MLIP: variants seen among roughly 807,000 people sequenced by gnomAD.
The protein encoded by MLIP is muscular LMNA interacting protein, also known as muscular LMNA-interacting protein.
MLIP carries 79 observed loss-of-function variants against 84.8 expected under a neutral mutation model. The observed-to-expected ratio is 0.93, with a 90% CI of 0.78 to 1.12. The LOEUF (loss-of-function observed/expected upper bound fraction) is 1.12, where lower values mean the gene tolerates loss of function less well. Ranked by LOEUF, MLIP falls within the 50% of genes most tolerant of loss-of-function variation. MLIP has a pLI of 0.00. For missense variants in MLIP, 1,257 were observed against 1,160.6 expected, an observed-to-expected ratio of 1.08 and a Z score of -1.21; for synonymous variants, 504 against 463.0, an observed-to-expected ratio of 1.09 and a Z score of -1.14.
At chr6:54,172,884 G>A (rs913018450) in intron 9 of MLIP, among the ~76,000 whole-genome samples, 2 of 151,588 alleles carry the variant, frequency 1.3e-5, no homozygotes, top group African/African-American at 2.4e-5. Flanking sequence ...CCAGTCCGTG[G>A]TCTTCTTAAA....
At chr6:54,051,769 C>T (rs1765386131) in intron 1 of MLIP, among the ~76,000 whole-genome samples, 1 of 152,030 alleles carries the variant, frequency 6.6e-6, no homozygotes. Context: ...CTTATCTAAC[C>T]ATAAAGTTTA....
At chr6:54,087,849 A>T (rs1048548239) in intron 1 of MLIP, among the ~76,000 whole-genome samples, 3 of 149,616 alleles carry the variant, frequency 2.0e-5, no homozygotes, top group South Asian at 4.2e-4. Flanking sequence ...ACTGTTTGAG[A>T]TTCTTGCTCT....
At chr6:54,066,414 A>G (rs2150338772) in intron 1 of MLIP, among the ~76,000 whole-genome samples, 1 of 100,894 alleles carries the variant, frequency 9.9e-6, no homozygotes, top group Non-Finnish European at 2.9e-5. Flanking sequence ...AAGTAACTCA[A>G]ATTGATGTGT....
chr6:54,083,517 A>C, intron 1 of MLIP: 1 of 1,535,724 alleles, frequency 6.5e-7, no homozygotes, highest in South Asian at 1.2e-5. Flanking sequence ...ATTGGCTGAC[A>C]CTGACCTTGC....
intron 12 of MLIP, among the ~76,000 whole-genome samples, chr6:54,246,636 C>T (rs1782104225): frequency 6.6e-6 from 1 of 152,048 alleles, no homozygotes; most frequent in Non-Finnish European, 1.5e-5. Flanking sequence ...ACCATATTAT[C>T]ACATTTTTCA....
intron 5 of MLIP, among the ~76,000 whole-genome samples, chr6:54,150,273 C>T (rs1773304680): frequency 6.6e-6 from 1 of 152,168 alleles, no homozygotes; most frequent in Non-Finnish European, 1.5e-5. Flanking sequence ...CACTAGGCTG[C>T]AGGAAAATCT....
chr6:54,250,398 A>C (rs957701654), intron 12 of MLIP, among the ~76,000 whole-genome samples: 1 of 152,008 alleles, frequency 6.6e-6, no homozygotes, highest in Non-Finnish European at 1.5e-5. Context: ...TATTATAAAG[A>C]CACATGCATG....
intron 11 of MLIP, chr6:54,216,944 T>C: frequency 1.0e-6 from 1 of 985,412 alleles, no homozygotes. Flanking sequence ...TTACTACTGT[T>C]CATGATTTTA....
At chr6:54,049,333 T>C (rs943453593) in intron 1 of MLIP, among the ~76,000 whole-genome samples, 3 of 152,170 alleles carry the variant, frequency 2.0e-5, no homozygotes, top group Admixed American at 6.6e-5. Context: ...CATAGCTGCA[T>C]AATCTTTTTG....
intron 1 of MLIP, among the ~76,000 whole-genome samples, chr6:54,082,463 G>C (rs969318613): frequency 1.3e-5 from 2 of 152,134 alleles, no homozygotes; most frequent in Non-Finnish European, 2.9e-5. Context: ...CCTCCCACCA[G>C]GTCCCTCCCC....
intron 12 of MLIP, among the ~76,000 whole-genome samples, chr6:54,251,061 C>T (rs935247976): frequency 6.6e-6 from 1 of 151,910 alleles, no homozygotes; most frequent in African/African-American, 2.4e-5. Flanking sequence ...AGTGCCTGAC[C>T]TATTAGCAGG....
At chr6:54,257,168 T>C in intron 12 of MLIP, 140 bp from the exon 13 acceptor site, 1 of 625,812 alleles carries the variant, frequency 1.6e-6, no homozygotes, top group Non-Finnish European at 2.8e-6. Context: ...AATTGAATCT[T>C]AGTGTTTATA....
Position 54,160,781 on chromosome 6 carries a change from G to T in MLIP, c.2481G>T (p.Leu827Phe). 1.2e-6 allele frequency: 2 copies of T among 1,603,982 alleles called. No individual in the cohort carries two copies. The highest frequency in any genetic ancestry group is 1.7e-6 in the Non-Finnish European group (2 of 1,172,414). The change falls in exon 8 of 14, where the codon TTG (leucine) becomes TTT (phenylalanine). Residue 827 changes from leucine (L) to phenylalanine (F), a missense_variant. Coordinates refer to ENST00000502396, the MANE Select transcript of MLIP (RefSeq NM_001281747.2). ...CTTCAAGGTCCCCAAAGACATTGTT[G>T]GGTTCTGACACAGTCAAAGTATGTA... ...DSPSRSPKTL[L>F]GSDTVKTPTT... is the part of the protein sequence containing the mutation.
chr6:54,122,525 T>C (rs987059134), intron 2 of MLIP, among the ~76,000 whole-genome samples: 7 of 152,248 alleles, frequency 4.6e-5, no homozygotes, highest in African/African-American at 1.4e-4. Context: ...TGTGTTATTC[T>C]TGACACAATT....
chr6:54,056,665 G>C (rs955929386), intron 1 of MLIP, among the ~76,000 whole-genome samples: 1 of 152,130 alleles, frequency 6.6e-6, no homozygotes, highest in African/African-American at 2.4e-5. Context: ...CCCATCTCTA[G>C]AAGCTTGCCA....
intron 11 of MLIP, chr6:54,216,068 T>C (rs1046264861): frequency 7.3e-6 from 5 of 689,100 alleles, no homozygotes; most frequent in Non-Finnish European, 8.9e-6. Context: ...CATTTATCCA[T>C]CAACAGACAC....
intron 1 of MLIP, chr6:54,083,404 G>A (rs1767287140): frequency 7.0e-7 from 1 of 1,421,928 alleles, no homozygotes; most frequent in Non-Finnish European, 9.4e-7. Flanking sequence ...GAGTTGTTGG[G>A]GAAGCAGGGA....
chr6:54,160,982 G>A (rs1054487928), intron 8 of MLIP, among the ~76,000 whole-genome samples, 183 bp downstream of exon 8: 1 of 152,012 alleles, frequency 6.6e-6, no homozygotes, highest in African/African-American at 2.4e-5. Context: ...TATAGGTTTT[G>A]TTGACATTTG....
chr6:54,213,929 A>C (rs1779671412), intron 11 of MLIP, among the ~76,000 whole-genome samples: 1 of 152,140 alleles, frequency 6.6e-6, no homozygotes. Flanking sequence ...TGTTTTCCTA[A>C]CAAAGATATG....
Sources: gnomAD v4.1 joint callset for allele counts (sites outside exome capture counted in the v4.1 genomes callset) on GRCh38, gnomAD v4.1.1 for gene constraint, MANE v1.5 for transcripts, NCBI Gene and HGNC (gene_info 2026-07-23, HGNC 2026-07-21) for gene names.